The following ZFHX3 variants were observed in gnomAD, a reference collection of about 807,000 sequenced individuals.
ZFHX3 encodes zinc finger homeobox protein 3.
A neutral mutation model predicts 279.1 loss-of-function variants in ZFHX3; 42 were observed. The ratio of observed to expected loss-of-function variants is 0.15; its 90% CI spans 0.12 to 0.19. The LOEUF (loss-of-function observed/expected upper bound fraction) is 0.19. ZFHX3 is among the 10% of genes least tolerant of loss of function. The pLI is 1.00. For missense variants in ZFHX3, 4,981 were observed against 4,754.0 expected, an observed-to-expected ratio of 1.05 and a Z score of -1.40; for synonymous variants, 2,293 against 1,957.8, an observed-to-expected ratio of 1.17 and a Z score of -4.52.
chr16:73,067,275 C>T lies in ZFHX3; in HGVS notation c.-532-8263G>A, dbSNP rs181483919. ...GAACGCTGCAGCAGGAAGAATTGCT[C>T]ATAACGACACTTAAGCCCCGACAGT... On this transcript the variant is annotated intron_variant, in intron 8 of 17. Transcript: ENST00000641206. 3.3e-5 allele frequency among the ~76,000 whole-genome samples: 5 copies of T among 152,324 alleles called. No individual in the cohort carries two copies. The East Asian group carries it at 9.6e-4, about 29-fold the overall frequency.
At chr16:73,641,358 C>A (rs868000401) in intron 2 of ZFHX3, among the ~76,000 whole-genome samples, 7 of 152,082 alleles carry the variant, frequency 4.6e-5, no homozygotes. Flanking sequence ...GGTCTTGGAG[C>A]AGACCTAGAA....
At position 73,591,136 on chromosome 16, in the gene ZFHX3, A is replaced by T. The variant is rs565538616; in HGVS notation, c.-1547+89044T>A. ...GGGAGGCTGAGGTGGGCAGATCACG[A>T]GGTTAGGAGTTCGAGATCAGCCTGA... is the stretch of plus-strand genomic sequence containing the variant. On this transcript the variant is annotated intron_variant, in intron 2 of 17. Transcript: ENST00000641206. Among the ~76,000 whole-genome samples, 5 of 152,008 alleles carry T rather than the reference A, an allele frequency of 3.3e-5. No individual in the cohort carries two copies. The South Asian group carries it at 1.0e-3, about 32-fold the overall frequency.
rs924830590 is a variant in ZFHX3 at position 73,463,640 on chromosome 16, C to A, written c.-1546-7382G>T. ...TTTTTCCCCGTCGAACCCCTCCCCCCACCTTCCTATCACCTTTTATACTAT... is the reference window on the plus strand; with the variant it reads ...TTTTTCCCCGTCGAACCCCTCCCCCAACCTTCCTATCACCTTTTATACTAT... On this transcript the variant is annotated intron_variant, in intron 2 of 17. Coordinates refer to the ZFHX3 transcript ENST00000641206. 5.3e-5 allele frequency among the ~76,000 whole-genome samples: 8 copies of A among 152,312 alleles called. No individual in the cohort carries two copies. In the East Asian group the frequency reaches 1.3e-3, roughly 26 times the overall value.
At chr16:73,683,624 C>T (rs1345255147) in intron 1 of ZFHX3, among the ~76,000 whole-genome samples, 1 of 150,558 alleles carries the variant, frequency 6.6e-6, no homozygotes, top group African/African-American at 2.4e-5. Context: ...TCACTGCAAC[C>T]TCTGCCTCCT....
intron 1 of ZFHX3, chr16:73,794,174 G>A (rs1177332403): frequency 6.6e-6 from 1 of 152,198 alleles, no homozygotes; most frequent in Non-Finnish European, 1.5e-5. Context: ...GCTTTCATCA[G>A]ACCCCAGAAA....
intron 5 of ZFHX3, among the ~76,000 whole-genome samples, chr16:73,215,502 G>A (rs1315882827): frequency 6.6e-6 from 1 of 152,188 alleles, no homozygotes; most frequent in Admixed American, 6.5e-5. Context: ...ATTTAATAAT[G>A]TTCTATCTGG....
At chr16:73,467,813 A>G (rs1160144538) in intron 2 of ZFHX3, among the ~76,000 whole-genome samples, 1 of 152,160 alleles carries the variant, frequency 6.6e-6, no homozygotes, top group African/African-American at 2.4e-5. Context: ...TGGTGAAGGA[A>G]TAGATTTTTG....
At chr16:73,060,306 G>A (rs1253914113), upstream of ZFHX3, 1 of 151,452 alleles carries the variant, frequency 6.6e-6, no homozygotes, top group Non-Finnish European at 1.5e-5. Context: ...GAAATGAGAG[G>A]ATGGATTTCA....
intron 1 of ZFHX3, among the ~76,000 whole-genome samples, chr16:73,776,287 C>T (rs1039894573): frequency 6.6e-6 from 1 of 152,058 alleles, no homozygotes; most frequent in Non-Finnish European, 1.5e-5. Flanking sequence ...GTTAGGGTCC[C>T]GTCTTTATGT....
At chr16:73,316,055 C>A (rs1270837425) in intron 4 of ZFHX3, among the ~76,000 whole-genome samples, 1 of 152,140 alleles carries the variant, frequency 6.6e-6, no homozygotes, top group Non-Finnish European at 1.5e-5. Flanking sequence ...GGGAGAGGCT[C>A]TCAGAGGACA....
At chr16:73,603,011 C>T (rs920606423) in intron 2 of ZFHX3, among the ~76,000 whole-genome samples, 3 of 150,392 alleles carry the variant, frequency 2.0e-5, no homozygotes, top group Non-Finnish European at 4.4e-5. Context: ...ACAGGCCGGG[C>T]GCGGTGACTC....
intron 3 of ZFHX3, among the ~76,000 whole-genome samples, chr16:72,938,671 C>A (rs1169794008): frequency 2.0e-5 from 3 of 152,176 alleles, no homozygotes; most frequent in Non-Finnish European, 4.4e-5. Flanking sequence ...TGGATAACCC[C>A]AAAGCACTAA....
chr16:73,331,384 G>C (rs926537629), intron 3 of ZFHX3, among the ~76,000 whole-genome samples: 7 of 152,320 alleles, frequency 4.6e-5, no homozygotes, highest in African/African-American at 1.7e-4. Flanking sequence ...GGCATCCTGA[G>C]AGTAGAAAAT....
chr16:72,787,694 AGCCGCCGCCGCC>A lies in ZFHX3; in HGVS notation c.10570_10581del (p.Gly3524_Gly3527del), dbSNP rs374416547. On this transcript the variant is annotated inframe_deletion, in exon 10 of 10. Transcript: ENST00000268489. Reference sequence around the variant, plus strand: ...CTCTCGCACGCCAGGCAGTGGTACGAGCCGCCGCCGCCGCCGCCGCCGCCACCGCCGCCGCCG... The same window carrying A: ...CTCTCGCACGCCAGGCAGTGGTACGAGCCGCCGCCGCCACCGCCGCCGCCG... 3.7e-4 allele frequency: 526 copies of A among 1,420,700 alleles called. 50 individuals are homozygous for A. Among genetic ancestry groups the A allele is most frequent in the East Asian group, 2.5e-3 (85 of 34,424 alleles). 88.0% of individuals were successfully genotyped at this position (1,420,700 alleles called of 1,614,324 possible).
At chr16:73,435,696 A>G (rs1253401648) in intron 3 of ZFHX3, among the ~76,000 whole-genome samples, 1 of 152,218 alleles carries the variant, frequency 6.6e-6, no homozygotes, top group Non-Finnish European at 1.5e-5. Flanking sequence ...CAGGAGTCAC[A>G]GTTCCCATTT....
At chr16:73,321,725 G>A (rs559603937) in intron 3 of ZFHX3, among the ~76,000 whole-genome samples, 2 of 152,272 alleles carry the variant, frequency 1.3e-5, no homozygotes, top group South Asian at 4.1e-4. Flanking sequence ...GCCTTCTTCT[G>A]CTAGATGTCT....
chr16:73,865,835 A>T (rs1962002389), intron 1 of ZFHX3, among the ~76,000 whole-genome samples: 7 of 151,710 alleles, frequency 4.6e-5, no homozygotes, highest in Admixed American at 3.9e-4. Context: ...AAAAAAAAAA[A>T]ATAGCCGGGT....
chr16:72,865,223 G>A (rs1402334254), intron 4 of ZFHX3, among the ~76,000 whole-genome samples: 1 of 152,224 alleles, frequency 6.6e-6, no homozygotes, highest in Non-Finnish European at 1.5e-5. Flanking sequence ...CATGTGCCCA[G>A]GCAGGGCACA....
At chr16:73,714,718 C>G (rs1228554205) in intron 1 of ZFHX3, among the ~76,000 whole-genome samples, 3 of 152,278 alleles carry the variant, frequency 2.0e-5, no homozygotes, top group African/African-American at 7.2e-5. Flanking sequence ...ATGAAGACTA[C>G]GATTATTTTT....
Sources: gnomAD v4.1 joint callset for allele counts (sites outside exome capture counted in the v4.1 genomes callset) on GRCh38, gnomAD v4.1.1 for gene constraint, MANE v1.5 for transcripts, NCBI Gene and HGNC (gene_info 2026-07-23, HGNC 2026-07-21) for gene names.